Variants in ASAH2 observed in about 807,000 individuals in gnomAD.
The protein encoded by ASAH2 is N-acylsphingosine amidohydrolase 2.
A neutral mutation model predicts 82.9 loss-of-function variants in ASAH2; 58 were observed. The observed-to-expected ratio is 0.70, with a 90% CI of 0.57 to 0.87. The LOEUF is 0.87. Among genes scored for constraint, ASAH2 ranks in the 40% least tolerant of loss-of-function variants. The pLI, the probability that ASAH2 is intolerant of heterozygous loss-of-function variation, is 0.00. For synonymous variants in ASAH2, 276 were observed against 289.7 expected, an observed-to-expected ratio of 0.95 and a Z score of 0.48; for missense variants, 779 against 834.0, an observed-to-expected ratio of 0.93 and a Z score of 0.81.
At chr10:50,227,643 A>G (rs1417086388) in intron 7 of ASAH2, among the ~76,000 whole-genome samples, 3 of 152,188 alleles carry the variant, frequency 2.0e-5, no homozygotes, top group Non-Finnish European at 4.4e-5. Context: ...TTAGAAAAAA[A>G]AAATAATCTC....
intron 7 of ASAH2, among the ~76,000 whole-genome samples, chr10:50,226,099 A>C (rs2133218936): frequency 6.6e-6 from 1 of 152,276 alleles, no homozygotes; most frequent in East Asian, 1.9e-4. Flanking sequence ...TCTAAAAAAA[A>C]AAAAATGTTT....
chr10:50,233,374 G>T, intron 6 of ASAH2, 113 bp from the exon 7 acceptor site: 1 of 753,208 alleles, frequency 1.3e-6, no homozygotes, highest in Non-Finnish European at 2.4e-6. Context: ...TAAGTGAGAT[G>T]TCTTGACAAG....
At chr10:50,221,674 T>TGATA (rs1356958582) in intron 7 of ASAH2, among the ~76,000 whole-genome samples, 6 of 140,652 alleles carry the variant, frequency 4.3e-5, no homozygotes, top group African/African-American at 1.3e-4. Flanking sequence ...GATAGATAGA[T>TGATA]GATAGATAGA....
intron 12 of ASAH2, among the ~76,000 whole-genome samples, chr10:50,207,034 A>C (rs1031622997): frequency 6.6e-6 from 1 of 152,016 alleles, no homozygotes; most frequent in Admixed American, 6.6e-5. Flanking sequence ...AAAATGGAGA[A>C]GCTTGCAAAT....
intron 7 of ASAH2, among the ~76,000 whole-genome samples, chr10:50,219,559 A>G (rs1269146611): frequency 6.6e-6 from 1 of 152,234 alleles, no homozygotes; most frequent in Non-Finnish European, 1.5e-5. Flanking sequence ...GCTAATTCAT[A>G]AACTGTCAGG....
chr10:50,245,114 C>A, intron 3 of ASAH2, 108 bp downstream of exon 3: 1 of 1,017,162 alleles, frequency 9.8e-7, no homozygotes, highest in South Asian at 1.5e-5. Context: ...AATTAAAAAG[C>A]TAAAAGAAGA....
chr10:50,238,527 C>T (rs1846213995), intron 4 of ASAH2, among the ~76,000 whole-genome samples: 1 of 151,852 alleles, frequency 6.6e-6, no homozygotes, highest in Non-Finnish European at 1.5e-5. Flanking sequence ...GCATATTATT[C>T]CATAATGTAA....
chr10:50,212,032 C>G (rs1379772774), intron 10 of ASAH2, among the ~76,000 whole-genome samples: 1 of 152,152 alleles, frequency 6.6e-6, no homozygotes, highest in Non-Finnish European at 1.5e-5. Context: ...TTAGAATAAT[C>G]CACTGATAAT....
At chr10:50,211,810 C>T (rs1845460700) in intron 10 of ASAH2, among the ~76,000 whole-genome samples, 1 of 152,154 alleles carries the variant, frequency 6.6e-6, no homozygotes, top group Admixed American at 6.5e-5. Context: ...TCTGTCCCCA[C>T]CCCAGTTTCA....
At chr10:50,212,072 A>T (rs1845468101) in intron 10 of ASAH2, among the ~76,000 whole-genome samples, 1 of 152,170 alleles carries the variant, frequency 6.6e-6, no homozygotes, top group Admixed American at 6.5e-5. Context: ...AACTGCAGCG[A>T]TTAGGCTGGC....
Position 50,199,124 on chromosome 10 carries a change from G to A in ASAH2, c.1784C>T (p.Ser595Leu). Residue 595 changes from serine (S) to leucine (L), a missense_variant, in exon 17 of 21, where the codon TCG (serine) becomes TTG (leucine). This residue lies in a region of ASAH2 where 759 missense variants were observed against 755.2 expected (regional missense o/e 1.00). Transcript: ENST00000682911. ...EYQAQRYEAA[S>L]TIYGPHTLSA... ...TAATGTGTGCGGTCCATAAATTGTC[G>A]ATGCTGCCTCATATCGCTGAGCCTG... 12 of 1,613,212 alleles carry A rather than the reference G, an allele frequency of 7.4e-6. No homozygotes were observed. Among genetic ancestry groups the A allele is most frequent in the South Asian group, 1.1e-5 (1 of 91,076 alleles).
At chr10:50,203,324 A>C (rs898932520) in intron 15 of ASAH2, among the ~76,000 whole-genome samples, 36 of 152,044 alleles carry the variant, frequency 2.4e-4, no homozygotes, top group Non-Finnish European at 4.4e-4. Context: ...AATTCCCAAA[A>C]TGTAATACAT....
rs368904062 is a variant in ASAH2 at position 50,243,268 on chromosome 10, A to G, written c.444T>C (p.Asp148=). The change falls in exon 4 of 21, where the codon GAT becomes GAC. Residue 148 remains aspartate (D), a synonymous_variant. Transcript: ENST00000682911. ...YSRAFIMAEP[D]GSNRTVFVSI... is the part of the protein sequence containing the mutation. ...TGACAAACACTGTTCGATTGGACCCATCAGGTTCTGCCATGATGAAGGCAC... is the reference window on the plus strand; with the variant it reads ...TGACAAACACTGTTCGATTGGACCCGTCAGGTTCTGCCATGATGAAGGCAC... 1 of 1,614,164 alleles carries G rather than the reference A, an allele frequency of 6.2e-7. No homozygotes were observed. The highest frequency in any genetic ancestry group is 8.5e-7 in the Non-Finnish European group (1 of 1,179,996).
Position 50,185,064 on chromosome 10 carries a change from T to C in ASAH2, c.*2251A>G, listed in dbSNP as rs1844709484. 1 of 151,202 alleles carries C rather than the reference T, an allele frequency of 6.6e-6. No homozygotes were observed. The highest frequency in any genetic ancestry group is 1.5e-5 in the Non-Finnish European group (1 of 67,678). The allele number at this position is 151,202 out of a possible 1,614,324, so 9.4% of individuals were successfully genotyped here. A position where few individuals can be genotyped will look rare whatever the true frequency, so the allele number is the denominator to read the frequency against. ...AACATGAGAAACAAAATCTCCAAAA[T>C]TGTTCTCCTACCTACCCAATCTGCC... On this transcript the variant is annotated 3_prime_UTR_variant, in exon 21 of 21. Coordinates refer to ENST00000682911, the MANE Select transcript of ASAH2 (RefSeq NM_019893.4).
rs1846151751 is a variant in ASAH2 at position 50,236,029 on chromosome 10, CAG to C, written c.544_545del (p.Leu182ValfsTer5). On this transcript the variant is annotated frameshift_variant, in exon 5 of 21. Coordinates refer to ENST00000682911, the MANE Select transcript of ASAH2 (RefSeq NM_019893.4). LOFTEE classifies it high-confidence loss of function. The part of the protein sequence containing the change: ...LNRLQSKYGS[L>X]YRRDNVILSG... ...TCAGGATGACATTATCTCTTCTGTACAGGGAGCCATATTTACTCTGCAGTCTG... is the reference window on the plus strand; with the variant it reads ...TCAGGATGACATTATCTCTTCTGTACGGAGCCATATTTACTCTGCAGTCTG... 6.2e-7 allele frequency: 1 copy of C among 1,613,122 alleles called. No individual in the cohort carries two copies. The highest frequency in any genetic ancestry group is 1.3e-5 in the African/African-American group (1 of 74,834).
intron 1 of ASAH2, 96 bp from the exon 2 acceptor site, chr10:50,248,742 AACG>A: frequency 2.1e-6 from 2 of 940,178 alleles, no homozygotes; most frequent in Non-Finnish European, 3.1e-6. Flanking sequence ...CTATACCAAG[AACG>A]ACAAGTACAG....
intron 7 of ASAH2, among the ~76,000 whole-genome samples, chr10:50,231,177 G>A (rs1370335026): frequency 6.6e-6 from 1 of 152,102 alleles, no homozygotes; most frequent in East Asian, 1.9e-4. Context: ...GATACTCAGT[G>A]TAACTAGCAG....
rs1171385681 is a variant in ASAH2, at chr10:50,187,118, TCACACACACACACA to T, written c.*183_*196del. On this transcript the variant is annotated 3_prime_UTR_variant, in exon 21 of 21. Transcript: ENST00000682911. The stretch of plus-strand genomic sequence containing the variant: ...CTCTCTCTCTCTCTCTCTCTCTCTC[TCACACACACACACA>T]CACACACACACACACACACACACAC... The T allele has an allele frequency of 1.1e-3, 171 of 157,294 alleles. 2 individuals are homozygous for T. The highest frequency in any genetic ancestry group is 4.7e-3 in the Middle Eastern group (2 of 426). 9.7% of individuals were successfully genotyped at this position (157,294 alleles called of 1,614,324 possible).
intron 7 of ASAH2, among the ~76,000 whole-genome samples, chr10:50,220,861 A>T (rs1414154478): frequency 1.5e-5 from 2 of 131,062 alleles, no homozygotes; most frequent in Non-Finnish European, 3.3e-5. Flanking sequence ...AAAAAAAAAA[A>T]GTGAGGGGAA....
Sources: gnomAD v4.1 joint callset for allele counts (sites outside exome capture counted in the v4.1 genomes callset) on GRCh38, gnomAD v4.1.1 for gene constraint, gnomAD v4.1.1 regional missense constraint, MANE v1.5 for transcripts, NCBI Gene and HGNC (gene_info 2026-07-23, HGNC 2026-07-21) for gene names.